Variants in GRID2 observed in about 807,000 individuals in gnomAD.
GRID2 encodes the protein glutamate ionotropic receptor delta type subunit 2.
Under a neutral mutation model 114.8 loss-of-function variants are expected in GRID2, and 33 were observed. The ratio of observed to expected loss-of-function variants is 0.29; its 90% CI spans 0.22 to 0.38. GRID2 has a LOEUF of 0.38. GRID2 is among the 10% of genes least tolerant of loss of function. The pLI, the probability that GRID2 is intolerant of heterozygous loss-of-function variation, is 1.00. For synonymous variants in GRID2, 505 were observed against 449.9 expected, an observed-to-expected ratio of 1.12 and a Z score of -1.55; for missense variants, 1,184 against 1,257.7, an observed-to-expected ratio of 0.94 and a Z score of 0.89.
At chr4:93,385,772 T>C (rs777648726) in intron 8 of GRID2, among the ~76,000 whole-genome samples, 8 of 152,146 alleles carry the variant, frequency 5.3e-5, no homozygotes, top group Non-Finnish European at 8.8e-5. Flanking sequence ...GTTTTGAGTG[T>C]AGAATTCTTT....
At chr4:93,526,809 CAAAAATAAAAAATAAATAT>C (rs1389146685) in intron 13 of GRID2, among the ~76,000 whole-genome samples, 2 of 151,898 alleles carry the variant, frequency 1.3e-5, no homozygotes, top group Non-Finnish European at 2.9e-5. Context: ...AACTCCATCT[CAAAAATAAAAAATAAATAT>C]AAAAATAAAA....
chr4:92,546,921 C>G (rs879373489), intron 1 of GRID2, among the ~76,000 whole-genome samples: 1 of 152,202 alleles, frequency 6.6e-6, no homozygotes, highest in Non-Finnish European at 1.5e-5. Flanking sequence ...TTGGTCTAGG[C>G]TCCCTACATC....
At chr4:93,195,572 A>G (rs17020257) in intron 4 of GRID2, among the ~76,000 whole-genome samples, 11,469 of 152,260 alleles carry the variant, frequency 0.075, 454 homozygotes, top group East Asian at 0.17. Flanking sequence ...AAGATGAGAC[A>G]CAGCACTTGA....
chr4:93,715,884 G>A (rs922729521), intron 14 of GRID2, among the ~76,000 whole-genome samples: 3 of 152,112 alleles, frequency 2.0e-5, no homozygotes, highest in African/African-American at 7.2e-5. Flanking sequence ...AACAAAGCTA[G>A]CTTGACTTCC....
chr4:93,545,113 G>C (rs1040759814), intron 13 of GRID2, among the ~76,000 whole-genome samples: 2 of 152,172 alleles, frequency 1.3e-5, no homozygotes, highest in African/African-American at 4.8e-5. Flanking sequence ...CCTGAGCCAG[G>C]CCTTGTGATA....
intron 2 of GRID2, among the ~76,000 whole-genome samples, chr4:93,055,895 C>G (rs1057406275): frequency 1.3e-5 from 2 of 151,928 alleles, no homozygotes; most frequent in Admixed American, 1.3e-4. Flanking sequence ...AACTAAACTC[C>G]TTTCCAATAG....
At chr4:92,734,734 A>C (rs1736506226) in intron 2 of GRID2, among the ~76,000 whole-genome samples, 1 of 151,538 alleles carries the variant, frequency 6.6e-6, no homozygotes, top group South Asian at 2.1e-4. Context: ...TTTAACTATG[A>C]ATTATTGTAC....
intron 2 of GRID2, among the ~76,000 whole-genome samples, chr4:92,759,817 G>T (rs1018750232): frequency 6.7e-6 from 1 of 150,370 alleles, no homozygotes; most frequent in Non-Finnish European, 1.5e-5. Flanking sequence ...AGTAGAGACG[G>T]GGTTTCACCA....
chr4:92,784,967 T>C (rs1478071398), intron 2 of GRID2, among the ~76,000 whole-genome samples: 2 of 151,848 alleles, frequency 1.3e-5, no homozygotes, highest in Non-Finnish European at 2.9e-5. Context: ...AGTAGCACTA[T>C]TAAACATTAT....
chr4:92,516,867 T>C (rs964319421), intron 1 of GRID2, among the ~76,000 whole-genome samples: 1 of 151,900 alleles, frequency 6.6e-6, no homozygotes, highest in Non-Finnish European at 1.5e-5. Context: ...GTTGTGATGG[T>C]AGGTAGTAGA....
chr4:92,352,518 T>A (rs968912330), intron 1 of GRID2, among the ~76,000 whole-genome samples: 2 of 151,932 alleles, frequency 1.3e-5, no homozygotes, highest in African/African-American at 4.8e-5. Flanking sequence ...ATTTTTAGTT[T>A]TATCTAATCC....
chr4:92,656,286 C>A (rs1732231087), intron 2 of GRID2, among the ~76,000 whole-genome samples: 1 of 151,406 alleles, frequency 6.6e-6, no homozygotes. Context: ...TTGTAATTCT[C>A]TGATGATAAT....
At chr4:92,379,572 T>A (rs1283959120) in intron 1 of GRID2, among the ~76,000 whole-genome samples, 1 of 151,938 alleles carries the variant, frequency 6.6e-6, no homozygotes, top group Non-Finnish European at 1.5e-5. Context: ...TATGGCGGGG[T>A]TGAACAGTAT....
chr4:93,126,754 C>A (rs1369890985), intron 4 of GRID2, among the ~76,000 whole-genome samples: 2 of 150,888 alleles, frequency 1.3e-5, no homozygotes, highest in South Asian at 2.1e-4. Flanking sequence ...CCCGCTACCA[C>A]GCCCGGCTAA....
intron 2 of GRID2, among the ~76,000 whole-genome samples, chr4:92,920,028 C>T (rs952794464): frequency 6.6e-6 from 1 of 152,134 alleles, no homozygotes; most frequent in Non-Finnish European, 1.5e-5. Context: ...AATCTGGGTG[C>T]TCCTGTATTG....
chr4:92,951,611 G>A (rs945943155), intron 2 of GRID2, among the ~76,000 whole-genome samples: 8 of 152,034 alleles, frequency 5.3e-5, no homozygotes, highest in Non-Finnish European at 1.0e-4. Context: ...TAAAGTTATG[G>A]GCCACTGTGC....
intron 2 of GRID2, among the ~76,000 whole-genome samples, chr4:92,849,731 A>T (rs563736665): frequency 6.6e-6 from 1 of 151,824 alleles, no homozygotes. Flanking sequence ...CTCTACCTTA[A>T]TTTATTATTT....
intron 8 of GRID2, among the ~76,000 whole-genome samples, chr4:93,332,146 A>G (rs1197432172): frequency 6.6e-6 from 1 of 152,100 alleles, no homozygotes; most frequent in Non-Finnish European, 1.5e-5. Flanking sequence ...GTACAACTCA[A>G]GTGGAATCGC....
At chr4:92,479,560 A>G (rs533511803) in intron 1 of GRID2, among the ~76,000 whole-genome samples, 135 of 152,284 alleles carry the variant, frequency 8.9e-4, no homozygotes, top group African/African-American at 3.2e-3. Flanking sequence ...TTTATTTTAC[A>G]TATGGGAAAA....
Sources: gnomAD v4.1 joint callset for allele counts (sites outside exome capture counted in the v4.1 genomes callset) on GRCh38, gnomAD v4.1.1 for gene constraint, MANE v1.5 for transcripts, NCBI Gene and HGNC (gene_info 2026-07-23, HGNC 2026-07-21) for gene names.